Variants in ITGAL observed in about 807,000 individuals in gnomAD.
ITGAL encodes integrin subunit alpha L, also known as integrin alpha-L.
In ITGAL, 68 loss-of-function variants were observed where a neutral mutation model predicts 138.4. That is an observed-to-expected ratio of 0.49 (90% CI 0.40 to 0.60). ITGAL has a LOEUF of 0.60. Ranked by LOEUF, ITGAL falls within the 20% of genes least tolerant of loss-of-function variation. The pLI, the probability that ITGAL is intolerant of heterozygous loss-of-function variation, is 0.00. For synonymous variants in ITGAL, 561 were observed against 584.3 expected, an observed-to-expected ratio of 0.96 and a Z score of 0.57; for missense variants, 1,256 against 1,478.6, an observed-to-expected ratio of 0.85 and a Z score of 2.47.
At position 30,506,802 on chromosome 16, in the gene ITGAL, G is replaced by C. The variant is rs1008870894; in HGVS notation, c.2454G>C (p.Gln818His). The change falls in exon 21 of 31, where the codon CAG (glutamine) becomes CAC (histidine). Residue 818 changes from glutamine to histidine, a missense_variant. Physicochemically the swap from Gln to His is conservative, Grantham distance 24. This residue lies in a region of ITGAL where 867 missense variants were observed against 972.5 expected (regional missense o/e 0.89). Transcript: ENST00000356798. Reference protein sequence around the residue: ...SNLEEDAYWVQLDLHFPPGLS... With the variant: ...SNLEEDAYWVHLDLHFPPGLS... ...TGGAAGAAGATGCTTACTGGGTCCAGCTGGACCTGCACTTCCCCCCGGGAC... is the reference window on the plus strand; with the variant it reads ...TGGAAGAAGATGCTTACTGGGTCCACCTGGACCTGCACTTCCCCCCGGGAC... The C allele has an allele frequency of 1.2e-6, 2 of 1,613,824 alleles. No homozygotes were observed. The highest frequency in any genetic ancestry group is 2.7e-5 in the African/African-American group (2 of 74,890).
At chr16:30,498,009 C>T (rs1051230170) in intron 15 of ITGAL, among the ~76,000 whole-genome samples, 25 of 151,530 alleles carry the variant, frequency 1.6e-4, no homozygotes, top group African/African-American at 5.6e-4. Flanking sequence ...TTTGGGAGGC[C>T]GAGGTGGGTG....
chr16:30,489,082 G>A lies in ITGAL; in HGVS notation c.1007G>A (p.Gly336Asp). ...ELQKKIYVIE[G>D]TSKQDLTSFN... ...ACCTGTTCTCTGCTTTGTTCCCCAG[G>A]CACAAGCAAACAGGACCTGACTTCC... is the stretch of plus-strand genomic sequence containing the variant. Residue 336 changes from glycine (G) to aspartate (D), a missense_variant and splice_region_variant, in exon 10 of 31, where the codon GGC (glycine) becomes GAC (aspartate). This residue lies in a region of ITGAL where 177 missense variants were observed against 288.8 expected (regional missense o/e 0.61). Transcript: ENST00000356798. The A allele has an allele frequency of 6.2e-7, 1 of 1,613,156 alleles. No homozygotes were observed. The highest frequency in any genetic ancestry group is 8.5e-7 in the Non-Finnish European group (1 of 1,179,854).
chr16:30,508,565 C>T (rs1160706925), intron 21 of ITGAL, among the ~76,000 whole-genome samples: 2 of 152,130 alleles, frequency 1.3e-5, no homozygotes, highest in African/African-American at 4.8e-5. Flanking sequence ...TGTGGTGGTG[C>T]GCACCTGCAA....
chr16:30,501,724 A>G (rs2050901832), intron 17 of ITGAL, among the ~76,000 whole-genome samples: 1 of 152,102 alleles, frequency 6.6e-6, no homozygotes, highest in Non-Finnish European at 1.5e-5. Flanking sequence ...TGTATGGTAC[A>G]TGGAAAAAAA....
intron 21 of ITGAL, among the ~76,000 whole-genome samples, chr16:30,509,958 G>A (rs1199710245): frequency 1.3e-5 from 2 of 151,822 alleles, no homozygotes; most frequent in Non-Finnish European, 2.9e-5. Flanking sequence ...AGGATCGCTT[G>A]AGCCTGCGAG....
At position 30,517,036 on chromosome 16, in the gene ITGAL, C is replaced by A; in HGVS notation, c.2926C>A (p.Pro976Thr). 6.2e-7 allele frequency: 1 copy of A among 1,613,486 alleles called. No individual in the cohort carries two copies. Among genetic ancestry groups the A allele is most frequent in the Non-Finnish European group, 8.5e-7 (1 of 1,179,626 alleles). Residue 976 changes from proline (P) to threonine (T), a missense_variant, in exon 26 of 31, where the codon CCA becomes ACA. Physicochemically the swap from Pro to Thr is conservative, Grantham distance 38. Transcript: ENST00000356798. ...CACCCTGGAGGCTGTGGTTGGGGTG[C>A]CACAGCCTCCCAGCGAGGGGCCCAT... ...IPTLEAVVGV[P>T]QPPSEGPITH...
Position 30,484,106 on chromosome 16 carries a change from C to G in ITGAL, c.856-7C>G. Reference sequence around the variant, plus strand: ...ATTTCAGCTCTTCACTCTCCACTCCCTCACAGATTGGAAAGCATTTTCAGA... The same window carrying G: ...ATTTCAGCTCTTCACTCTCCACTCCGTCACAGATTGGAAAGCATTTTCAGA... On this transcript the variant is annotated splice_region_variant and splice_polypyrimidine_tract_variant and intron_variant, in intron 8 of 30. Transcript: ENST00000356798. 3 of 1,613,012 alleles carry G rather than the reference C, an allele frequency of 1.9e-6. No individual in the cohort carries two copies. The highest frequency in any genetic ancestry group is 2.2e-5 in the East Asian group (1 of 44,856).
chr16:30,512,471 C>T (rs1213329748), intron 24 of ITGAL, among the ~76,000 whole-genome samples: 1 of 151,534 alleles, frequency 6.6e-6, no homozygotes, highest in Non-Finnish European at 1.5e-5. Flanking sequence ...CCTATAATCC[C>T]AGCTACTCAG....
In ITGAL at chr16:30,518,617, C is replaced by T. The variant is rs2051206725; in HGVS notation, c.3133-7C>T. On this transcript the variant is annotated splice_polypyrimidine_tract_variant and splice_region_variant and intron_variant, in intron 28 of 30. Transcript: ENST00000356798. ...CCGGGTTCTGACGCCTTTCCCCGCT[C>T]CCACAGGCCTCTTCCATGTTCAGCC... 3 of 1,608,864 alleles carry T rather than the reference C, an allele frequency of 1.9e-6. No homozygotes were observed. Among genetic ancestry groups the T allele is most frequent in the African/African-American group, 1.3e-5 (1 of 74,778 alleles).
intron 28 of ITGAL, 150 bp from the exon 29 acceptor site, chr16:30,518,474 A>G: frequency 1.7e-6 from 1 of 585,592 alleles, no homozygotes; most frequent in East Asian, 2.8e-5. Flanking sequence ...ATAGAAAGAA[A>G]AGAATGCCAC....
At chr16:30,493,676 G>A (rs906719259) in intron 11 of ITGAL, among the ~76,000 whole-genome samples, 1 of 152,084 alleles carries the variant, frequency 6.6e-6, no homozygotes, top group Admixed American at 6.6e-5. Context: ...GATCACCTGA[G>A]GCCAGGAGTT....
intron 1 of ITGAL, among the ~76,000 whole-genome samples, chr16:30,473,296 G>A (rs1213890244): frequency 6.6e-6 from 1 of 152,186 alleles, no homozygotes; most frequent in East Asian, 1.9e-4. Context: ...AGCTTGGCGT[G>A]GTGGCACAGG....
intron 21 of ITGAL, among the ~76,000 whole-genome samples, chr16:30,507,479 A>C (rs556043409): frequency 3.7e-4 from 55 of 148,350 alleles, no homozygotes; most frequent in Admixed American, 1.4e-3. Flanking sequence ...AAAAAAAAAA[A>C]CAAAAAAAAA....
At position 30,510,453 on chromosome 16, in the gene ITGAL, C is replaced by G. The variant is rs765488846; in HGVS notation, c.2601C>G (p.Ile867Met). 3.1e-6 allele frequency: 5 copies of G among 1,607,092 alleles called. No homozygotes were observed. Among genetic ancestry groups the G allele is most frequent in the Non-Finnish European group, 3.4e-6 (4 of 1,173,632 alleles). ...RALSCNVSSP[I>M]FKAGHSVALQ... ...TATCTTGCAATGTGAGCTCTCCCATCTTCAAAGCAGGCCACTCGGTGAGTG... is the reference window on the plus strand; with the variant it reads ...TATCTTGCAATGTGAGCTCTCCCATGTTCAAAGCAGGCCACTCGGTGAGTG... The change falls in exon 22 of 31, where the codon ATC becomes ATG. Residue 867 changes from isoleucine (I) to methionine (M), a missense_variant. Physicochemically the swap from Ile to Met is conservative, Grantham distance 10. This residue lies in a region of ITGAL where 867 missense variants were observed against 972.5 expected (regional missense o/e 0.89). Coordinates refer to ENST00000356798, the MANE Select transcript of ITGAL (RefSeq NM_002209.3).
At chr16:30,514,526 C>T (rs550647898) in intron 25 of ITGAL, among the ~76,000 whole-genome samples, 45 of 151,818 alleles carry the variant, frequency 3.0e-4, no homozygotes, top group African/African-American at 9.4e-4. Context: ...CTTCCCCCCT[C>T]GTGGCCTCTC....
intron 25 of ITGAL, among the ~76,000 whole-genome samples, chr16:30,516,756 TGC>T: frequency 6.6e-6 from 1 of 152,250 alleles, no homozygotes; most frequent in Middle Eastern, 3.4e-3. Flanking sequence ...TGTGAGAGTG[TGC>T]TGGGCGGAGA....
intron 20 of ITGAL, among the ~76,000 whole-genome samples, 197 bp downstream of exon 20, chr16:30,505,659 A>G (rs1178709306): frequency 6.6e-6 from 1 of 151,934 alleles, no homozygotes; most frequent in African/African-American, 2.4e-5. Context: ...AAGGGGGAAG[A>G]TTCGTTAAGG....
intron 4 of ITGAL, among the ~76,000 whole-genome samples, chr16:30,476,341 A>T (rs1338155143): frequency 6.6e-6 from 1 of 152,040 alleles, no homozygotes; most frequent in Non-Finnish European, 1.5e-5. Context: ...AGCTATTTTC[A>T]ATAACTTAAC....
chr16:30,497,569 T>C (rs1304749683), intron 15 of ITGAL, among the ~76,000 whole-genome samples: 1 of 151,226 alleles, frequency 6.6e-6, no homozygotes, highest in East Asian at 2.0e-4. Flanking sequence ...CTCCACCTCC[T>C]GGGTTCAAGC....
Sources: allele counts gnomAD v4.1 joint callset (sites outside exome capture counted in the v4.1 genomes callset), GRCh38; gene constraint gnomAD v4.1.1; regional missense constraint gnomAD v4.1.1; transcripts MANE v1.5; gene names NCBI Gene and HGNC (gene_info 2026-07-23, HGNC 2026-07-21).